The following SOX6 variants were observed in gnomAD, a reference collection of about 807,000 sequenced individuals.
The protein encoded by SOX6 is transcription factor SOX-6.
A neutral mutation model predicts 97.8 loss-of-function variants in SOX6; 11 were observed. That is an observed-to-expected ratio of 0.11 (90% CI 0.07 to 0.19). The LOEUF is 0.19. Ranked by LOEUF, SOX6 falls within the 10% of genes least tolerant of loss-of-function variation. The pLI, the probability that SOX6 is intolerant of heterozygous loss-of-function variation, is 1.00. For synonymous variants in SOX6, 360 were observed against 371.4 expected, an observed-to-expected ratio of 0.97 and a Z score of 0.35; for missense variants, 810 against 1,039.5, an observed-to-expected ratio of 0.78 and a Z score of 3.04.
At chr11:16,583,049 A>G (rs1035750793) in intron 4 of SOX6, among the ~76,000 whole-genome samples, 8 of 152,092 alleles carry the variant, frequency 5.3e-5, no homozygotes, top group Non-Finnish European at 1.0e-4. Flanking sequence ...GTGTCAATTT[A>G]CTCATCCATA....
chr11:16,013,903 T>C (rs908877825), intron 13 of SOX6, among the ~76,000 whole-genome samples: 18 of 151,998 alleles, frequency 1.2e-4, no homozygotes, highest in African/African-American at 4.3e-4. Context: ...AGTGTCTTCA[T>C]GTGTTTTCGA....
chr11:16,457,004 G>T (rs1286477409), intron 1 of SOX6, among the ~76,000 whole-genome samples: 1 of 152,036 alleles, frequency 6.6e-6, no homozygotes, highest in Admixed American at 6.6e-5. Flanking sequence ...ATGGGAAAGT[G>T]AAATAAAAAC....
intron 3 of SOX6, among the ~76,000 whole-genome samples, chr11:16,638,352 G>A (rs1178683047): frequency 2.0e-5 from 3 of 152,008 alleles, no homozygotes; most frequent in Non-Finnish European, 4.4e-5. Flanking sequence ...TGTGAATAGT[G>A]CCGCAATAAA....
chr11:16,351,697 T>C (rs1856952088), intron 1 of SOX6, among the ~76,000 whole-genome samples: 1 of 152,094 alleles, frequency 6.6e-6, no homozygotes, highest in Admixed American at 6.6e-5. Flanking sequence ...CACTTTCCTT[T>C]CTTAGTGTTA....
intron 4 of SOX6, among the ~76,000 whole-genome samples, chr11:16,523,934 A>G (rs1389941130): frequency 2.0e-5 from 3 of 152,218 alleles, no homozygotes; most frequent in African/African-American, 4.8e-5. Flanking sequence ...CTAAACCAGG[A>G]AGAAGTTGAA....
chr11:16,061,940 C>A (rs1847967335), intron 9 of SOX6, among the ~76,000 whole-genome samples: 1 of 151,512 alleles, frequency 6.6e-6, no homozygotes, highest in African/African-American at 2.4e-5. Context: ...ATTAAAATAC[C>A]AGAAGAAGAC....
At position 16,648,516 on chromosome 11, in the gene SOX6, A is replaced by G. The variant is rs1335714466; in HGVS notation, n.430-36256T>C. Among the ~76,000 whole-genome samples, 3 of 152,304 alleles carry G rather than the reference A, an allele frequency of 2.0e-5. No homozygotes were observed. The East Asian group carries it at 5.8e-4, about 29-fold the overall frequency. ...TAGGGCAAGCTTAGAGCCCCCTACC[A>G]CTACAGCAGCTAGTGTTCTCTTGAA... is the stretch of plus-strand genomic sequence containing the variant. On this transcript the variant is annotated intron_variant and non_coding_transcript_variant, in intron 3 of 5. Transcript: ENST00000524520.
chr11:16,644,291 C>A (rs569287539), intron 3 of SOX6, among the ~76,000 whole-genome samples: 86 of 152,320 alleles, frequency 5.6e-4, no homozygotes, highest in Non-Finnish European at 1.1e-3. Flanking sequence ...CCGCCTGCCT[C>A]AGCCTCTCAA....
chr11:16,690,742 T>G (rs1848006888), intron 3 of SOX6, among the ~76,000 whole-genome samples: 1 of 152,234 alleles, frequency 6.6e-6, no homozygotes, highest in Non-Finnish European at 1.5e-5. Flanking sequence ...ACAAGTTACT[T>G]AAACTCTATT....
chr11:16,581,812 A>T (rs1848034790), intron 4 of SOX6, among the ~76,000 whole-genome samples: 1 of 151,888 alleles, frequency 6.6e-6, no homozygotes, highest in African/African-American at 2.4e-5. Context: ...AAATACAAAA[A>T]TTAGCCAGGC....
At chr11:16,012,317 C>T (rs560516719) in intron 13 of SOX6, among the ~76,000 whole-genome samples, 9 of 152,088 alleles carry the variant, frequency 5.9e-5, no homozygotes, top group African/African-American at 2.2e-4. Context: ...CAGGATATAT[C>T]CTGAAGTCAG....
chr11:16,175,119 T>C (rs764129673), intron 6 of SOX6, among the ~76,000 whole-genome samples: 7 of 151,978 alleles, frequency 4.6e-5, no homozygotes, highest in Admixed American at 2.0e-4. Flanking sequence ...TACCTACACA[T>C]TGATTATTCT....
chr11:16,634,300 T>A (rs1848752707), intron 3 of SOX6, among the ~76,000 whole-genome samples: 2 of 142,462 alleles, frequency 1.4e-5, no homozygotes, highest in Non-Finnish European at 3.1e-5. Context: ...TGTAGATCAA[T>A]AAAAGCAATT....
intron 3 of SOX6, among the ~76,000 whole-genome samples, chr11:16,298,952 G>A (rs1013165256): frequency 1.3e-5 from 2 of 152,078 alleles, no homozygotes; most frequent in South Asian, 2.1e-4. Flanking sequence ...CAAGAATTGC[G>A]TTTGCTGGAA....
intron 4 of SOX6, among the ~76,000 whole-genome samples, chr11:16,562,227 A>T (rs1847823869): frequency 6.6e-6 from 1 of 152,172 alleles, no homozygotes; most frequent in Admixed American, 6.5e-5. Context: ...AACCCTGGAC[A>T]CTGTATATAA....
At chr11:16,350,721 G>A (rs890722224) in intron 1 of SOX6, among the ~76,000 whole-genome samples, 1 of 152,032 alleles carries the variant, frequency 6.6e-6, no homozygotes, top group African/African-American at 2.4e-5. Flanking sequence ...ATAAGCTCAT[G>A]GTAAATGGGT....
At chr11:16,525,371 A>G (rs1861140491) in intron 4 of SOX6, among the ~76,000 whole-genome samples, 1 of 151,118 alleles carries the variant, frequency 6.6e-6, no homozygotes, top group Admixed American at 6.6e-5. Context: ...GAGAAAAACA[A>G]GCAATGGGGA....
intron 15 of SOX6, among the ~76,000 whole-genome samples, chr11:15,983,334 T>C (rs1016799332): frequency 6.6e-6 from 1 of 152,052 alleles, no homozygotes; most frequent in Admixed American, 6.6e-5. Flanking sequence ...TCCATATTAT[T>C]GATAAATTCA....
chr11:16,027,775 C>T (rs1050908970), intron 12 of SOX6, among the ~76,000 whole-genome samples: 7 of 152,192 alleles, frequency 4.6e-5, no homozygotes, highest in African/African-American at 1.7e-4. Flanking sequence ...CGTGTGGGAA[C>T]ACGTACATGC....
Sources: gnomAD v4.1 joint callset for allele counts (sites outside exome capture counted in the v4.1 genomes callset) on GRCh38, gnomAD v4.1.1 for gene constraint, MANE v1.5 for transcripts, NCBI Gene and HGNC (gene_info 2026-07-23, HGNC 2026-07-21) for gene names.